PROKR1: variants seen among roughly 807,000 people sequenced by gnomAD.
PROKR1 encodes the protein prokineticin receptor 1, also known as G protein-coupled receptor 73.
A neutral mutation model predicts 22.8 loss-of-function variants in PROKR1; 21 were observed. That is an observed-to-expected ratio of 0.92 (90% confidence interval 0.65 to 1.32). PROKR1 has a LOEUF of 1.32. Among genes scored for constraint, PROKR1 ranks in the 40% most tolerant of loss-of-function variants. The pLI is 0.00. For missense variants in PROKR1, 548 were observed against 514.2 expected (o/e 1.07, Z -0.64); for synonymous variants, 193 against 207.5 (o/e 0.93, Z 0.60).
chr2:68,649,064 C>T (rs994059839), intron 2 of PROKR1, among the ~76,000 whole-genome samples: 5 of 152,094 alleles, frequency 3.3e-5, no homozygotes, highest in Non-Finnish European at 5.9e-5. Context: ...AACAAAAAAG[C>T]AGGTAAACTA....
rs1365766271 is a variant in PROKR1 at position 68,657,007 on chromosome 2, C to A, written c.*1431C>A. On this transcript the variant is annotated 3_prime_UTR_variant, in exon 3 of 3. Coordinates refer to ENST00000303786, the MANE Select transcript of PROKR1 (RefSeq NM_138964.4). ...AAGACTCATCCCACTTTCTAACCTG[C>A]CTCCTTTGTTTGATGTTTTGAGTTT... The A allele has an allele frequency of 6.6e-6, 1 of 152,260 alleles. No homozygotes were observed. Among genetic ancestry groups the A allele is most frequent in the Non-Finnish European group, 1.5e-5 (1 of 68,086 alleles). The allele number at this position is 152,260 out of a possible 1,614,324, so 9.4% of individuals were successfully genotyped here. A position where few individuals can be genotyped will look rare whatever the true frequency, so the allele number is the denominator to read the frequency against.
intron 2 of PROKR1, among the ~76,000 whole-genome samples, chr2:68,649,825 G>A (rs999415717): frequency 9.2e-5 from 14 of 152,108 alleles, no homozygotes; most frequent in Admixed American, 3.9e-4. Flanking sequence ...TAAGTGAAAA[G>A]GCCCAGAGGC....
intron 1 of PROKR1, among the ~76,000 whole-genome samples, chr2:68,644,698 C>G (rs1278936894): frequency 1.3e-5 from 2 of 152,134 alleles, no homozygotes; most frequent in African/African-American, 4.8e-5. Flanking sequence ...TTAGGGTGCT[C>G]TCCAGACCTC....
At chr2:68,647,775 T>C (rs2104183016) in intron 2 of PROKR1, among the ~76,000 whole-genome samples, 1 of 152,222 alleles carries the variant, frequency 6.6e-6, no homozygotes, top group South Asian at 2.1e-4. Flanking sequence ...TGCTACTTCT[T>C]CTTGGCCAAA....
chr2:68,652,514 G>T (rs1253333422), intron 2 of PROKR1, among the ~76,000 whole-genome samples: 2 of 152,326 alleles, frequency 1.3e-5, no homozygotes, highest in East Asian at 3.9e-4. Flanking sequence ...ATGACTATCT[G>T]ATAGGTAGTC....
intron 2 of PROKR1, among the ~76,000 whole-genome samples, chr2:68,647,887 C>G (rs1238766748): frequency 2.0e-5 from 3 of 152,168 alleles, no homozygotes; most frequent in Non-Finnish European, 4.4e-5. Context: ...TTTACCTGGA[C>G]AAGGACCCCG....
chr2:68,646,102 G>T lies in PROKR1; in HGVS notation c.281G>T (p.Arg94Leu), dbSNP rs371409546. The stretch of plus-strand genomic sequence containing the variant: ...GCCCTGGTCCGCTACAAGAAACTGC[G>T]CAACCTCACCAACCTGCTCATCGCC... ...IAALVRYKKL[R>L]NLTNLLIANL... Residue 94 changes from arginine (R) to leucine (L), a missense_variant, in exon 2 of 3, where the codon CGC becomes CTC. Transcript: ENST00000303786. 1.9e-6 allele frequency: 3 copies of T among 1,613,606 alleles called. No individual in the cohort carries two copies. The South Asian group carries it at 3.3e-5, about 18-fold the overall frequency.
intron 1 of PROKR1, among the ~76,000 whole-genome samples, chr2:68,645,176 T>A (rs1673147421): frequency 6.6e-6 from 1 of 152,200 alleles, no homozygotes; most frequent in Non-Finnish European, 1.5e-5. Context: ...CCTTCATAAA[T>A]GCTGTTCCCA....
At position 68,655,019 on chromosome 2, in the gene PROKR1, G is replaced by T. The variant is rs1558580186; in HGVS notation, c.625G>T (p.Val209Phe). The stretch of plus-strand genomic sequence containing the variant: ...CACCACCGAGACGGTCCTCGTCATT[G>T]TCAAGAGCCAGGAAAAGATCTTCTG... ...YFTTETVLVI[V>F]KSQEKIFCGQ... The change falls in exon 3 of 3, where the codon GTC becomes TTC. Residue 209 changes from valine (V) to phenylalanine (F), a missense_variant. By Grantham distance (50) the Val-to-Phe change is conservative. Coordinates refer to ENST00000303786, the MANE Select transcript of PROKR1 (RefSeq NM_138964.4). 6.2e-7 allele frequency: 1 copy of T among 1,613,616 alleles called. No homozygotes were observed. Among genetic ancestry groups the T allele is most frequent in the Non-Finnish European group, 8.5e-7 (1 of 1,179,974 alleles).
Position 68,655,454 on chromosome 2 carries a change from A to C in PROKR1, c.1060A>C (p.Lys354Gln). 1 of 1,614,120 alleles carries C rather than the reference A, an allele frequency of 6.2e-7. No homozygotes were observed. The highest frequency in any genetic ancestry group is 8.5e-7 in the Non-Finnish European group (1 of 1,179,930). The change falls in exon 3 of 3, where the codon AAA (lysine) becomes CAA (glutamine). Residue 354 changes from lysine to glutamine, a missense_variant. By Grantham distance (53) the Lys-to-Gln change is moderately conservative. Coordinates refer to ENST00000303786, the MANE Select transcript of PROKR1 (RefSeq NM_138964.4). ...CAAGAACGACACCGTCAAGTACTTC[A>C]AAAAGATCATGTTGCTCCACTGGAA... ...TVKNDTVKYF[K>Q]KIMLLHWKAS...
Position 68,655,534 on chromosome 2 carries a change from G to A in PROKR1, c.1140G>A (p.Gly380=). 1 of 1,614,208 alleles carries A rather than the reference G, an allele frequency of 6.2e-7. No homozygotes were observed. Among genetic ancestry groups the A allele is most frequent in the East Asian group, 2.2e-5 (1 of 44,888 alleles). ...SSADLDLKTI[G]MPATEEVDCI... is the part of the protein sequence containing the mutation. ...CAGACCTGGACCTCAAGACAATTGG[G>A]ATGCCTGCCACCGAAGAGGTGGACT... Residue 380 remains glycine (G), a synonymous_variant, in exon 3 of 3, where the codon GGG becomes GGA. Coordinates refer to ENST00000303786, the MANE Select transcript of PROKR1 (RefSeq NM_138964.4).
In PROKR1 at chr2:68,655,175, T is replaced by G; in HGVS notation, c.781T>G (p.Phe261Val). The change falls in exon 3 of 3, where the codon TTC becomes GTC. Residue 261 changes from phenylalanine to valine, a missense_variant. By Grantham distance (50) the Phe-to-Val change is conservative. Coordinates refer to ENST00000303786, the MANE Select transcript of PROKR1 (RefSeq NM_138964.4). ...CYARISRELW[F>V]KAVPGFQTEQ... ...TGCCAGGATCTCCCGGGAGCTCTGGTTCAAGGCGGTCCCTGGATTCCAGAC... is the reference window on the plus strand; with the variant it reads ...TGCCAGGATCTCCCGGGAGCTCTGGGTCAAGGCGGTCCCTGGATTCCAGAC... 1 of 1,614,196 alleles carries G rather than the reference T, an allele frequency of 6.2e-7. No homozygotes were observed. The highest frequency in any genetic ancestry group is 8.5e-7 in the Non-Finnish European group (1 of 1,180,036).
intron 1 of PROKR1, among the ~76,000 whole-genome samples, chr2:68,645,063 C>G (rs553016813): frequency 6.6e-6 from 1 of 152,340 alleles, no homozygotes; most frequent in South Asian, 2.1e-4. Context: ...TACCCCTGGA[C>G]ACTCAACCAG....
rs747053260 is a variant in PROKR1, at chr2:68,646,038, A to G, written c.217A>G (p.Met73Val). Reference sequence around the variant, plus strand: ...CATTGGGATGGCCCTGGTGGGCATCATGCTGGTCTGCGGCATTGGAAACTT... The same window carrying G: ...CATTGGGATGGCCCTGGTGGGCATCGTGCTGGTCTGCGGCATTGGAAACTT... ...IVIGMALVGI[M>V]LVCGIGNFIF... Residue 73 changes from methionine to valine, a missense_variant, in exon 2 of 3, where the codon ATG becomes GTG. Transcript: ENST00000303786. 6.2e-7 allele frequency: 1 copy of G among 1,614,142 alleles called. No individual in the cohort carries two copies. Among genetic ancestry groups the G allele is most frequent in the Non-Finnish European group, 8.5e-7 (1 of 1,180,056 alleles).
In PROKR1 at chr2:68,655,118, G is replaced by T; in HGVS notation, c.724G>T (p.Val242Leu). The change falls in exon 3 of 3, where the codon GTG becomes TTG. Residue 242 changes from valine to leucine, a missense_variant. Transcript: ENST00000303786. ...YFLFIFGIEF[V>L]GPVVTMTLCY... ...CCTCTTTATCTTTGGCATAGAATTC[G>T]TGGGCCCCGTGGTCACCATGACCCT... 1 of 1,614,112 alleles carries T rather than the reference G, an allele frequency of 6.2e-7. No individual in the cohort carries two copies. The highest frequency in any genetic ancestry group is 8.5e-7 in the Non-Finnish European group (1 of 1,180,030).
chr2:68,644,678 G>A (rs1673136241), intron 1 of PROKR1, among the ~76,000 whole-genome samples: 1 of 152,254 alleles, frequency 6.6e-6, no homozygotes, highest in Non-Finnish European at 1.5e-5. Context: ...CTGTTCTCCT[G>A]ACATTTGTTT....
intron 1 of PROKR1, among the ~76,000 whole-genome samples, 168 bp from the exon 2 acceptor site, chr2:68,645,494 A>T (rs1489239667): frequency 6.6e-6 from 1 of 152,064 alleles, no homozygotes; most frequent in Non-Finnish European, 1.5e-5. Context: ...TCCCTAATTG[A>T]GTATGTGGTT....
At position 68,646,125 on chromosome 2, in the gene PROKR1, G is replaced by A. The variant is rs200238619; in HGVS notation, c.304G>A (p.Ala102Thr). The change falls in exon 2 of 3, where the codon GCC becomes ACC. Residue 102 changes from alanine (A) to threonine (T), a missense_variant. Ala to Thr is a moderately conservative substitution (Grantham distance 58). Transcript: ENST00000303786. ...KLRNLTNLLI[A>T]NLAISDFLVA... Reference sequence around the variant, plus strand: ...GCGCAACCTCACCAACCTGCTCATCGCCAACCTGGCCATCTCTGACTTCCT... The same window carrying A: ...GCGCAACCTCACCAACCTGCTCATCACCAACCTGGCCATCTCTGACTTCCT... The A allele has an allele frequency of 5.0e-5, 81 of 1,610,904 alleles. No homozygotes were observed. Among genetic ancestry groups the A allele is most frequent in the Middle Eastern group, 5.0e-4 (3 of 6,050 alleles).
chr2:68,655,421 G>C lies in PROKR1; in HGVS notation c.1027G>C (p.Val343Leu), dbSNP rs1229586316. 6.2e-7 allele frequency: 1 copy of C among 1,614,132 alleles called. No homozygotes were observed. Reference sequence around the variant, plus strand: ...CAGCATGATCAACACTCTGTGCTTCGTGACCGTCAAGAACGACACCGTCAA... The same window carrying C: ...CAGCATGATCAACACTCTGTGCTTCCTGACCGTCAAGAACGACACCGTCAA... The part of the protein sequence containing the change: ...SNSMINTLCF[V>L]TVKNDTVKYF... Residue 343 changes from valine to leucine, a missense_variant, in exon 3 of 3, where the codon GTG (valine) becomes CTG (leucine). Val to Leu is a conservative substitution (Grantham distance 32). Transcript: ENST00000303786.
Sources: gnomAD v4.1 joint callset for allele counts (sites outside exome capture counted in the v4.1 genomes callset) on GRCh38, gnomAD v4.1.1 for gene constraint, MANE v1.5 for transcripts, NCBI Gene and HGNC (gene_info 2026-07-23, HGNC 2026-07-21) for gene names.